The following DPY19L4 variants were observed in gnomAD, a reference collection of about 807,000 sequenced individuals.
The protein encoded by DPY19L4 is probable C-mannosyltransferase DPY19L4.
Under a neutral mutation model 102.8 loss-of-function variants are expected in DPY19L4, and 97 were observed. The observed-to-expected ratio is 0.94, with a 90% CI of 0.80 to 1.12. The LOEUF (loss-of-function observed/expected upper bound fraction) is 1.12, where lower values mean the gene tolerates loss of function less well. Among genes scored for constraint, DPY19L4 ranks in the 50% most tolerant of loss-of-function variants. The pLI is 0.00. For synonymous variants in DPY19L4, 252 were observed against 283.1 expected (o/e 0.89, Z 1.10); for missense variants, 815 against 850.4 (o/e 0.96, Z 0.52).
intron 17 of DPY19L4, among the ~76,000 whole-genome samples, chr8:94,784,112 C>G (rs760869479): frequency 6.6e-6 from 1 of 152,220 alleles, no homozygotes; most frequent in Non-Finnish European, 1.5e-5. Context: ...TACAGTTGTG[C>G]AATCTCAGCT....
At chr8:94,750,785 CTTT>C (rs768001663) in intron 6 of DPY19L4, among the ~76,000 whole-genome samples, 16 of 140,862 alleles carry the variant, frequency 1.1e-4, no homozygotes, top group Admixed American at 3.6e-4. Context: ...CCAAAATTTC[CTTT>C]TTTTTTTTTT....
chr8:94,776,499 C>G (rs1299421488), intron 13 of DPY19L4, among the ~76,000 whole-genome samples: 2 of 148,958 alleles, frequency 1.3e-5, no homozygotes, highest in East Asian at 3.9e-4. Context: ...GGCCATATAT[C>G]TACATTAAAA....
intron 6 of DPY19L4, chr8:94,744,476 T>C (rs1811584359): frequency 2.2e-6 from 1 of 456,638 alleles, no homozygotes; most frequent in African/African-American, 2.0e-5. Flanking sequence ...CTCTGCCATA[T>C]TTTGTCAGTT....
intron 16 of DPY19L4, among the ~76,000 whole-genome samples, chr8:94,783,356 C>A (rs1460049012): frequency 6.6e-6 from 1 of 152,200 alleles, no homozygotes; most frequent in Admixed American, 6.6e-5. Context: ...ATAATATATT[C>A]TTGTTACTAT....
At position 94,768,462 on chromosome 8, in the gene DPY19L4, C is replaced by G; in HGVS notation, c.1243C>G (p.Arg415Gly). The change falls in exon 12 of 19, where the codon CGA becomes GGA. Residue 415 changes from arginine (R) to glycine (G), a missense_variant. Arg to Gly is a moderately radical substitution (Grantham distance 125). Transcript: ENST00000414645. ...GGCACCATCTCAAGATTTTTTTCTG[C>G]GATTGACACAGTCTTCTTTATTACC... is the stretch of plus-strand genomic sequence containing the variant. ...LQAPSQDFFL[R>G]LTQSSLLPFY... 6.2e-7 allele frequency: 1 copy of G among 1,606,748 alleles called. No individual in the cohort carries two copies.
At chr8:94,786,476 T>G (rs554466574) in intron 17 of DPY19L4, among the ~76,000 whole-genome samples, 1 of 151,990 alleles carries the variant, frequency 6.6e-6, no homozygotes, top group Non-Finnish European at 1.5e-5. Context: ...TTTTTTGAGA[T>G]AGAGTCTCAC....
chr8:94,759,914 A>G (rs1176018028), intron 7 of DPY19L4, among the ~76,000 whole-genome samples: 3 of 152,162 alleles, frequency 2.0e-5, no homozygotes, highest in South Asian at 2.1e-4. Context: ...CTTTTGTGCA[A>G]TTATCTGGAG....
At position 94,734,721 on chromosome 8, in the gene DPY19L4, C is replaced by T; in HGVS notation, c.219C>T (p.Tyr73=). The T allele has an allele frequency of 6.2e-7, 1 of 1,613,670 alleles. No homozygotes were observed. Among genetic ancestry groups the T allele is most frequent in the Non-Finnish European group, 8.5e-7 (1 of 1,179,934 alleles). Reference sequence around the variant, plus strand: ...TGTATGCTCTCTACTTATCAGCATACCATGAACGGAAATTCTGGTTTTCCA... The same window carrying T: ...TGTATGCTCTCTACTTATCAGCATATCATGAACGGAAATTCTGGTTTTCCA... ...GMMYALYLSA[Y]HERKFWFSNR... Residue 73 remains tyrosine (Y), a synonymous_variant, in exon 3 of 19, where the codon TAC becomes TAT. Coordinates refer to ENST00000414645, the MANE Select transcript of DPY19L4 (RefSeq NM_181787.3).
chr8:94,757,970 G>T (rs937660818), intron 7 of DPY19L4, among the ~76,000 whole-genome samples: 2 of 151,782 alleles, frequency 1.3e-5, no homozygotes, highest in African/African-American at 4.8e-5. Context: ...AAATTAGCTG[G>T]GTGTGGTGGT....
intron 7 of DPY19L4, 87 bp downstream of exon 7, chr8:94,756,246 G>A (rs2130862944): frequency 6.6e-7 from 1 of 1,522,668 alleles, no homozygotes; most frequent in South Asian, 1.3e-5. Context: ...TTTAGTCCTA[G>A]TAAGAATTAA....
intron 3 of DPY19L4, 118 bp from the exon 4 acceptor site, chr8:94,738,251 G>A (rs183007217): frequency 9.5e-4 from 247 of 260,360 alleles, no homozygotes; most frequent in African/African-American, 5.4e-3. Flanking sequence ...CCTACGAGGC[G>A]GAGGTTGCAG....
At chr8:94,748,807 C>G (rs981051849) in intron 6 of DPY19L4, among the ~76,000 whole-genome samples, 7 of 152,298 alleles carry the variant, frequency 4.6e-5, no homozygotes, top group African/African-American at 1.7e-4. Flanking sequence ...AGGTTGTGTG[C>G]TCCTTATGAG....
intron 17 of DPY19L4, among the ~76,000 whole-genome samples, chr8:94,784,610 A>G (rs935901319): frequency 6.6e-6 from 1 of 151,998 alleles, no homozygotes; most frequent in African/African-American, 2.4e-5. Context: ...TGTATTTTTT[A>G]ATAGAGACAG....
intron 1 of DPY19L4, 41 bp downstream of exon 1, chr8:94,720,055 G>A (rs13267007): frequency 5.9e-6 from 9 of 1,518,348 alleles, no homozygotes; most frequent in African/African-American, 4.3e-5. Context: ...GCTGCCAGTG[G>A]TCTCGGGAAG....
intron 9 of DPY19L4, 58 bp downstream of exon 9, chr8:94,765,372 T>C: frequency 6.8e-7 from 1 of 1,471,408 alleles, no homozygotes; most frequent in Non-Finnish European, 9.3e-7. Context: ...TGAAGTGGAG[T>C]CTCACTCTGT....
chr8:94,726,420 A>G lies in DPY19L4; in HGVS notation c.106A>G (p.Ile36Val). ...AKEEKISDIP[I>V]PERAPKHVLF... Reference sequence around the variant, plus strand: ...AGAAGAGAAAATCAGTGACATTCCAATTCCTGAAAGAGCTCCAAAACGTAA... The same window carrying G: ...AGAAGAGAAAATCAGTGACATTCCAGTTCCTGAAAGAGCTCCAAAACGTAA... The change falls in exon 2 of 19, where the codon ATT becomes GTT. Residue 36 changes from isoleucine to valine, a missense_variant. Transcript: ENST00000414645. The G allele has an allele frequency of 6.2e-7, 1 of 1,609,568 alleles. No homozygotes were observed. Among genetic ancestry groups the G allele is most frequent in the Non-Finnish European group, 8.5e-7 (1 of 1,178,996 alleles).
chr8:94,778,660 T>C (rs1420110587), intron 14 of DPY19L4, among the ~76,000 whole-genome samples: 2 of 146,830 alleles, frequency 1.4e-5, no homozygotes, highest in African/African-American at 5.4e-5. Flanking sequence ...ATTCTGTTTT[T>C]CTTTTTCTTT....
Position 94,739,438 on chromosome 8 carries a change from CA to C in DPY19L4, c.373del (p.Thr125LeufsTer4). 1 of 1,590,466 alleles carries C rather than the reference CA, an allele frequency of 6.3e-7. No homozygotes were observed. The highest frequency in any genetic ancestry group is 2.2e-5 in the East Asian group (1 of 44,696). ...RGVYELTHNN[K>X]TVSLKTINAV... ...GTGTTTACGAACTGACACACAATAACAAAACTGTATCTCTGAAGACTATAAA... is the reference window on the plus strand; with the variant it reads ...GTGTTTACGAACTGACACACAATAACAAACTGTATCTCTGAAGACTATAAA... On this transcript the variant is annotated frameshift_variant, in exon 5 of 19. Transcript: ENST00000414645. LOFTEE classifies it high-confidence loss of function.
At chr8:94,720,358 C>G (rs1810405025) in intron 1 of DPY19L4, 1 of 741,290 alleles carries the variant, frequency 1.3e-6, no homozygotes, top group African/African-American at 1.9e-5. Context: ...TTTCGAAGAT[C>G]AGGTTTAGGT....
Sources: gnomAD v4.1 joint callset for allele counts (sites outside exome capture counted in the v4.1 genomes callset) on GRCh38, gnomAD v4.1.1 for gene constraint, MANE v1.5 for transcripts, NCBI Gene and HGNC (gene_info 2026-07-23, HGNC 2026-07-21) for gene names.